Variants in CCNH observed in about 807,000 individuals in gnomAD.
CCNH encodes cyclin-H.
In CCNH, 31 loss-of-function variants were observed where a neutral mutation model predicts 41.9. The observed-to-expected ratio is 0.74, with a 90% CI of 0.56 to 1.00. The LOEUF (loss-of-function observed/expected upper bound fraction) is 1.00, where lower values mean the gene tolerates loss of function less well. Among genes scored for constraint, CCNH ranks in the 50% least tolerant of loss-of-function variants. The pLI, the probability that CCNH is intolerant of heterozygous loss-of-function variation, is 0.00. For missense variants in CCNH, 362 were observed against 388.4 expected, an observed-to-expected ratio of 0.93 and a Z score of 0.57; for synonymous variants, 138 against 136.1, an observed-to-expected ratio of 1.01 and a Z score of -0.10.
At chr5:87,370,033 G>A in intron 9 of CCNH, 8 of 801,992 alleles carry the variant, frequency 1.0e-5, no homozygotes, top group South Asian at 8.7e-5. Flanking sequence ...CTTATTTTAA[G>A]GAATGAGATT....
chr5:87,387,116 T>A (rs1395384926), downstream of CCNH, among the ~76,000 whole-genome samples: 1 of 152,176 alleles, frequency 6.6e-6, no homozygotes, highest in Non-Finnish European at 1.5e-5. Flanking sequence ...CACCAAAGCA[T>A]ACATTATTGT....
rs911850106 is a variant in CCNH, at chr5:87,333,043, T to A, written c.*91-14146A>T. Among the ~76,000 whole-genome samples, 3 of 152,268 alleles carry A rather than the reference T, an allele frequency of 2.0e-5. No homozygotes were observed. In the East Asian group the frequency reaches 5.8e-4, roughly 29 times the overall value. ...AATGAAATGATCATTCATATTACGT[T>A]ATAAAAGCATACTGCTTATATTTAA... On this transcript the variant is annotated intron_variant and NMD_transcript_variant, in intron 9 of 9. Coordinates refer to the CCNH transcript ENST00000645953.
At chr5:87,403,175 T>G (rs939274389) in intron 5 of CCNH, among the ~76,000 whole-genome samples, 1 of 151,766 alleles carries the variant, frequency 6.6e-6, no homozygotes, top group African/African-American at 2.4e-5. Flanking sequence ...TCCCAAAAAT[T>G]TGCCTGTAAA....
At chr5:87,337,887 TC>T (rs1758088121) in intron 9 of CCNH, 3 of 1,357,942 alleles carry the variant, frequency 2.2e-6, no homozygotes, top group Non-Finnish European at 3.0e-6. Flanking sequence ...TATAATACTA[TC>T]CCTATCCTAT....
intron 9 of CCNH, among the ~76,000 whole-genome samples, chr5:87,327,968 C>CA (rs777320325): frequency 0.047 from 5,290 of 111,888 alleles, 180 homozygotes; most frequent in African/African-American, 0.11. Context: ...CTCCGTTTCC[C>CA]AAAAAAAAAA....
chr5:87,411,803 T>A (rs1435015230), intron 1 of CCNH, among the ~76,000 whole-genome samples: 1 of 152,254 alleles, frequency 6.6e-6, no homozygotes, highest in Non-Finnish European at 1.5e-5. Flanking sequence ...GTGATTTTTT[T>A]AAGGCAGCCC....
At chr5:87,398,296 A>T (rs1224937263) in intron 7 of CCNH, among the ~76,000 whole-genome samples, 3 of 152,224 alleles carry the variant, frequency 2.0e-5, no homozygotes, top group Non-Finnish European at 4.4e-5. Flanking sequence ...TGTGTATTTG[A>T]CATAAAGGCC....
At chr5:87,315,591 C>T (rs1756267346), downstream of CCNH, among the ~76,000 whole-genome samples, 1 of 152,162 alleles carries the variant, frequency 6.6e-6, no homozygotes, top group Admixed American at 6.5e-5. Context: ...AGTGTGCTAT[C>T]TTTTGGGTTT....
intron 9 of CCNH, among the ~76,000 whole-genome samples, chr5:87,364,506 C>T (rs373108213): frequency 7.9e-5 from 12 of 152,096 alleles, no homozygotes; most frequent in African/African-American, 2.7e-4. Context: ...TACGAAGATA[C>T]CCTTTTTTTT....
At chr5:87,323,625 C>G (rs1434749296) in intron 9 of CCNH, among the ~76,000 whole-genome samples, 1 of 152,058 alleles carries the variant, frequency 6.6e-6, no homozygotes, top group Non-Finnish European at 1.5e-5. Context: ...TATATTCTTT[C>G]CATTTTATTT....
At chr5:87,330,870 T>C in intron 9 of CCNH, 7 of 938,170 alleles carry the variant, frequency 7.5e-6, no homozygotes, top group Non-Finnish European at 1.0e-5. Context: ...CTTTAGACAG[T>C]GTAATTCTGT....
chr5:87,353,015 TTATTC>T (rs1390687528), intron 9 of CCNH: 1 of 643,812 alleles, frequency 1.6e-6, no homozygotes, highest in Non-Finnish European at 2.8e-6. Context: ...TTATGATCAT[TTATTC>T]TATTAATGTA....
At chr5:87,348,658 T>G (rs1343610768) in intron 9 of CCNH, among the ~76,000 whole-genome samples, 4 of 151,742 alleles carry the variant, frequency 2.6e-5, no homozygotes, top group Admixed American at 1.3e-4. Flanking sequence ...TTTTTTAAGA[T>G]GCAGGATCTT....
intron 9 of CCNH, among the ~76,000 whole-genome samples, chr5:87,327,763 G>A (rs1246370139): frequency 2.0e-5 from 3 of 152,070 alleles, no homozygotes; most frequent in Non-Finnish European, 4.4e-5. Flanking sequence ...TCAGTAGCTC[G>A]GGACCAGCCT....
chr5:87,335,696 G>A (rs1757927936), intron 9 of CCNH, among the ~76,000 whole-genome samples: 1 of 152,104 alleles, frequency 6.6e-6, no homozygotes, highest in Non-Finnish European at 1.5e-5. Context: ...AAAGTGCTGG[G>A]ATTGCAGGCA....
At chr5:87,390,479 A>C (rs1022208196), downstream of CCNH, among the ~76,000 whole-genome samples, 3 of 151,684 alleles carry the variant, frequency 2.0e-5, no homozygotes, top group South Asian at 2.1e-4. Context: ...TGCCTTAGAT[A>C]TTAAATAAAA....
In CCNH at chr5:87,409,339, G is replaced by A. The variant is rs750420341; in HGVS notation, c.265C>T (p.Arg89Cys). 15 of 1,567,356 alleles carry A rather than the reference G, an allele frequency of 9.6e-6. No individual in the cohort carries two copies. In the Admixed American group the frequency reaches 1.4e-4, roughly 14 times the overall value. ...ATTACTGAGTTATTAAGATAAAAAC[G>A]TTTGAAATACATACAAGCCGTACCC... is the stretch of plus-strand genomic sequence containing the variant. ...VVGTACMYFK[R>C]FYLNNSVMEY... The change falls in exon 3 of 9, where the codon CGT (arginine) becomes TGT (cysteine). Residue 89 changes from arginine (R) to cysteine (C), a missense_variant. Coordinates refer to ENST00000256897, the MANE Select transcript of CCNH (RefSeq NM_001239.4).
rs1764384593 is a variant in CCNH, at chr5:87,412,879, C to A, written c.-85G>T. 6.4e-7 allele frequency: 1 copy of A among 1,552,110 alleles called. No homozygotes were observed. The highest frequency in any genetic ancestry group is 1.4e-5 in the African/African-American group (1 of 73,656). On this transcript the variant is annotated 5_prime_UTR_variant, in exon 1 of 9. Transcript: ENST00000256897. Reference sequence around the variant, plus strand: ...CTGGCGTAAAACACCCGTACCCCCACCGAAGATCTCGCGGAAGCCTAGGGC... The same window carrying A: ...CTGGCGTAAAACACCCGTACCCCCAACGAAGATCTCGCGGAAGCCTAGGGC...
intron 7 of CCNH, among the ~76,000 whole-genome samples, chr5:87,395,707 A>G (rs1278235270): frequency 6.6e-6 from 1 of 152,168 alleles, no homozygotes; most frequent in Non-Finnish European, 1.5e-5. Flanking sequence ...CCTCGTCTCT[A>G]CAAAAAAATT....
Sources: gnomAD v4.1 joint callset for allele counts (sites outside exome capture counted in the v4.1 genomes callset) on GRCh38, gnomAD v4.1.1 for gene constraint, MANE v1.5 for transcripts, NCBI Gene and HGNC (gene_info 2026-07-23, HGNC 2026-07-21) for gene names.